Variants in RORA observed in about 807,000 individuals in gnomAD.
RORA encodes nuclear receptor ROR-alpha.
RORA carries 7 observed loss-of-function variants against 69.5 expected under a neutral mutation model. That is an observed-to-expected ratio of 0.10 (90% CI 0.06 to 0.19). RORA has a LOEUF of 0.19. Among genes scored for constraint, RORA ranks in the 10% least tolerant of loss-of-function variants. The pLI, the probability that RORA is intolerant of heterozygous loss-of-function variation, is 1.00. For missense variants in RORA, 457 were observed against 663.0 expected, an observed-to-expected ratio of 0.69 and a Z score of 3.41; for synonymous variants, 261 against 240.8, an observed-to-expected ratio of 1.08 and a Z score of -0.78.
chr15:60,808,814 C>T (rs1379267174), intron 1 of RORA, among the ~76,000 whole-genome samples: 2 of 151,522 alleles, frequency 1.3e-5, no homozygotes, highest in Non-Finnish European at 2.9e-5. Context: ...ACTACTCAGC[C>T]ACAAAAGGAA....
rs2079162105 is a variant in RORA, at chr15:61,128,513, A to C, written c.166+100540T>G. The stretch of plus-strand genomic sequence containing the variant: ...GAATATAATTACAGATACCATGAGC[A>C]CAGACCTATGACGCTGTTGATTACG... On this transcript the variant is annotated intron_variant, in intron 1 of 10. Coordinates refer to ENST00000335670, the MANE Select transcript of RORA (RefSeq NM_134261.3). The surrounding 1 kb of genome is among the most constrained non-coding windows in gnomAD (Gnocchi z 4.5). Among the ~76,000 whole-genome samples the C allele has an allele frequency of 2.0e-5, 3 of 152,190 alleles. No homozygotes were observed. The South Asian group carries it at 6.2e-4, about 31-fold the overall frequency.
At position 60,992,192 on chromosome 15, in the gene RORA, A is replaced by G. The variant is rs996471337; in HGVS notation, c.166+236861T>C. ...ATTCCTGCTGGAGGAAATGGCACAA[A>G]GAAGGCCCACGGGTTTGGAATGACG... On this transcript the variant is annotated intron_variant, in intron 1 of 10. Coordinates refer to ENST00000335670, the MANE Select transcript of RORA (RefSeq NM_134261.3). Among the ~76,000 whole-genome samples the G allele has an allele frequency of 3.1e-4, 47 of 152,210 alleles. 1 individual carries two copies. The highest frequency in any genetic ancestry group is 2.8e-3 in the Admixed American group (43 of 15,286).
chr15:60,884,850 A>T (rs1009681177), intron 1 of RORA, among the ~76,000 whole-genome samples: 7 of 152,212 alleles, frequency 4.6e-5, no homozygotes, highest in Non-Finnish European at 1.0e-4. Context: ...CACGGGAGTC[A>T]TGAGTGTCTC....
intron 1 of RORA, among the ~76,000 whole-genome samples, chr15:60,842,008 G>T (rs1471578593): frequency 6.6e-6 from 1 of 151,956 alleles, no homozygotes; most frequent in Non-Finnish European, 1.5e-5. Flanking sequence ...TACAGTTTGG[G>T]TCACTGCCAT....
chr15:61,156,036 A>C (rs911657348), intron 1 of RORA, among the ~76,000 whole-genome samples: 1 of 152,148 alleles, frequency 6.6e-6, no homozygotes, highest in Non-Finnish European at 1.5e-5. Context: ...CTCCTTGCAC[A>C]TGACTTTTCT....
At chr15:60,968,301 G>T (rs780494575) in intron 1 of RORA, among the ~76,000 whole-genome samples, 26 of 152,190 alleles carry the variant, frequency 1.7e-4, no homozygotes, top group Non-Finnish European at 1.6e-4. Flanking sequence ...GAAGGTTATA[G>T]CCAATAGTCC....
intron 1 of RORA, among the ~76,000 whole-genome samples, chr15:61,023,632 C>T (rs550584276): frequency 7.2e-5 from 11 of 152,280 alleles, no homozygotes; most frequent in African/African-American, 2.6e-4. Context: ...CAGTTAGAAA[C>T]CTTTAAGACA....
At chr15:60,691,647 A>T (rs1009801661) in intron 1 of RORA, among the ~76,000 whole-genome samples, 1 of 152,220 alleles carries the variant, frequency 6.6e-6, no homozygotes, top group Non-Finnish European at 1.5e-5. Context: ...AAGGCTACAT[A>T]CAAAGAGTGA....
chr15:60,827,824 G>C (rs2072986528), intron 1 of RORA, among the ~76,000 whole-genome samples: 1 of 152,226 alleles, frequency 6.6e-6, no homozygotes, highest in South Asian at 2.1e-4. Context: ...GATTCTTGAA[G>C]ACTCCTTTAT....
At chr15:60,829,193 C>G (rs1383154353) in intron 1 of RORA, among the ~76,000 whole-genome samples, 1 of 152,140 alleles carries the variant, frequency 6.6e-6, no homozygotes, top group African/African-American at 2.4e-5. Context: ...ACAGGAGATG[C>G]CTCCAGGAGT....
chr15:60,958,999 T>A (rs1045252655), intron 1 of RORA, among the ~76,000 whole-genome samples: 2 of 152,094 alleles, frequency 1.3e-5, no homozygotes, highest in Non-Finnish European at 2.9e-5. Context: ...ACATCGAAAC[T>A]CTTCAAACAC....
chr15:60,943,414 G>C (rs1892760629), intron 1 of RORA, among the ~76,000 whole-genome samples: 1 of 151,230 alleles, frequency 6.6e-6, no homozygotes, highest in African/African-American at 2.4e-5. Flanking sequence ...CTTGTTCTTT[G>C]CTGTATCAAG....
At chr15:61,106,413 C>G (rs2078949102) in intron 1 of RORA, among the ~76,000 whole-genome samples, 1 of 152,318 alleles carries the variant, frequency 6.6e-6, no homozygotes, top group South Asian at 2.1e-4. Context: ...TAATAACCAT[C>G]CGTTAAGTAT....
chr15:60,957,778 G>A (rs1322577592), intron 1 of RORA, among the ~76,000 whole-genome samples: 2 of 151,660 alleles, frequency 1.3e-5, no homozygotes, highest in Non-Finnish European at 3.0e-5. Flanking sequence ...AGAAGATAGA[G>A]ACTGTTCTAA....
At chr15:60,736,022 C>T (rs1482409033) in intron 1 of RORA, among the ~76,000 whole-genome samples, 3 of 152,180 alleles carry the variant, frequency 2.0e-5, no homozygotes, top group Non-Finnish European at 4.4e-5. Context: ...AATTATCTTG[C>T]TTACCTGTCA....
chr15:61,035,630 G>A (rs1278477501), intron 1 of RORA, among the ~76,000 whole-genome samples: 1 of 152,090 alleles, frequency 6.6e-6, no homozygotes, highest in African/African-American at 2.4e-5. Flanking sequence ...CATTTTGGAG[G>A]GCCCCGGCAG....
chr15:60,522,528 CT>C (rs750246408), intron 3 of RORA, among the ~76,000 whole-genome samples: 11 of 151,840 alleles, frequency 7.2e-5, no homozygotes, highest in Non-Finnish European at 1.2e-4. Context: ...AATCCCAATA[CT>C]TTGAGAGGCT....
intron 1 of RORA, among the ~76,000 whole-genome samples, chr15:60,968,321 C>T (rs990608277): frequency 3.9e-5 from 6 of 152,302 alleles, no homozygotes; most frequent in South Asian, 2.1e-4. Context: ...CTTAAACATA[C>T]GCATGCACCA....
At chr15:61,202,110 C>G (rs560562560) in intron 1 of RORA, among the ~76,000 whole-genome samples, 1 of 151,422 alleles carries the variant, frequency 6.6e-6, no homozygotes, top group Non-Finnish European at 1.5e-5. Flanking sequence ...CAGGTTCAAG[C>G]GATTCTCCTG....
Sources: gnomAD v4.1 joint callset for allele counts (sites outside exome capture counted in the v4.1 genomes callset) on GRCh38, gnomAD v4.1.1 for gene constraint, Gnocchi (gnomAD v3.1) non-coding constraint, MANE v1.5 for transcripts, NCBI Gene and HGNC (gene_info 2026-07-23, HGNC 2026-07-21) for gene names.